ROBO2: variants seen among roughly 807,000 people sequenced by gnomAD.
ROBO2 encodes the protein roundabout guidance receptor 2, also known as roundabout homolog 2.
ROBO2 carries 53 observed loss-of-function variants against 160.8 expected under a neutral mutation model. That is an observed-to-expected ratio of 0.33 (90% confidence interval 0.26 to 0.41). The LOEUF (loss-of-function observed/expected upper bound fraction) is 0.41. Among genes scored for constraint, ROBO2 ranks in the 10% least tolerant of loss-of-function variants. The probability of loss-of-function intolerance (pLI) is 1.00; values close to 1 mark genes in which losing one functional copy is unlikely to be tolerated. For missense variants in ROBO2, 1,577 were observed against 1,722.4 expected (o/e 0.92, Z 1.49); for synonymous variants, 664 against 611.7 (o/e 1.09, Z -1.26).
At chr3:76,376,117 T>C (rs892978940) in intron 2 of ROBO2, among the ~76,000 whole-genome samples, 2 of 152,146 alleles carry the variant, frequency 1.3e-5, no homozygotes, top group African/African-American at 4.8e-5. Context: ...TGCTTTTCTA[T>C]CTTCCTAAAA....
chr3:76,635,550 T>G (rs1027301234), intron 2 of ROBO2, among the ~76,000 whole-genome samples: 1 of 152,184 alleles, frequency 6.6e-6, no homozygotes, highest in Non-Finnish European at 1.5e-5. Flanking sequence ...AAATGTTCAT[T>G]TTCTGTTTCT....
At chr3:76,989,922 T>A (rs557713225) in intron 2 of ROBO2, among the ~76,000 whole-genome samples, 1 of 152,280 alleles carries the variant, frequency 6.6e-6, no homozygotes, top group South Asian at 2.1e-4. Flanking sequence ...CTTAAAAGGT[T>A]GATTATTCAC....
intron 2 of ROBO2, among the ~76,000 whole-genome samples, chr3:76,574,234 T>C (rs2085144861): frequency 6.6e-6 from 1 of 152,068 alleles, no homozygotes; most frequent in Non-Finnish European, 1.5e-5. Context: ...TGAATGAGTA[T>C]AACAAAATCA....
intron 2 of ROBO2, among the ~76,000 whole-genome samples, chr3:77,411,202 C>G (rs1376111492): frequency 6.6e-6 from 1 of 152,098 alleles, no homozygotes; most frequent in Non-Finnish European, 1.5e-5. Flanking sequence ...TCACTGTCTG[C>G]CCAGGAACAA....
chr3:77,580,892 GT>G (rs1464936155), intron 16 of ROBO2, among the ~76,000 whole-genome samples: 6 of 152,072 alleles, frequency 3.9e-5, no homozygotes, highest in Non-Finnish European at 2.9e-5. Context: ...GAGTTGTATA[GT>G]TTGAGTTTAT....
intron 2 of ROBO2, among the ~76,000 whole-genome samples, chr3:76,497,640 G>A (rs1273287582): frequency 6.6e-6 from 1 of 152,230 alleles, no homozygotes; most frequent in Non-Finnish European, 1.5e-5. Flanking sequence ...ATGTTGCCAT[G>A]AAGGTGGTAG....
intron 2 of ROBO2, among the ~76,000 whole-genome samples, chr3:76,133,328 C>T (rs1445463511): frequency 6.6e-6 from 1 of 151,894 alleles, no homozygotes; most frequent in Non-Finnish European, 1.5e-5. Flanking sequence ...AAAAACCAAT[C>T]GAATTTACCC....
At chr3:76,651,944 G>A (rs1385944006) in intron 2 of ROBO2, among the ~76,000 whole-genome samples, 1 of 152,132 alleles carries the variant, frequency 6.6e-6, no homozygotes, top group Admixed American at 6.6e-5. Flanking sequence ...GCTAGGTCCA[G>A]CCTTTTCTGG....
chr3:77,580,230 C>T, intron 16 of ROBO2, 112 bp downstream of exon 17: 2 of 975,338 alleles, frequency 2.1e-6, no homozygotes, highest in East Asian at 2.5e-5. Flanking sequence ...TGATAGGGTA[C>T]ACATATCATA....
At chr3:77,018,713 G>C (rs2062435505) in intron 2 of ROBO2, among the ~76,000 whole-genome samples, 1 of 152,036 alleles carries the variant, frequency 6.6e-6, no homozygotes, top group Admixed American at 6.6e-5. Flanking sequence ...GTACTTTCAT[G>C]AAAGAAAAAA....
intron 2 of ROBO2, among the ~76,000 whole-genome samples, chr3:77,411,635 C>T (rs2076810378): frequency 1.3e-5 from 2 of 152,088 alleles, no homozygotes; most frequent in African/African-American, 4.8e-5. Flanking sequence ...TGAACTTCTC[C>T]ATTTTAAATA....
intron 2 of ROBO2, among the ~76,000 whole-genome samples, chr3:76,917,791 A>G (rs2076417633): frequency 6.6e-6 from 1 of 152,240 alleles, no homozygotes; most frequent in African/African-American, 2.4e-5. Context: ...TATTCTAAAA[A>G]AAAATGGTTT....
At chr3:77,364,952 C>G (rs1046701905) in intron 2 of ROBO2, among the ~76,000 whole-genome samples, 5 of 151,978 alleles carry the variant, frequency 3.3e-5, no homozygotes, top group African/African-American at 1.2e-4. Flanking sequence ...CGAGACCAGC[C>G]TGGCCAACAT....
At chr3:76,247,299 G>T (rs773242639) in intron 2 of ROBO2, among the ~76,000 whole-genome samples, 1 of 151,960 alleles carries the variant, frequency 6.6e-6, no homozygotes, top group Non-Finnish European at 1.5e-5. Flanking sequence ...AGTCTCCATG[G>T]TATCTCCCCA....
intron 2 of ROBO2, among the ~76,000 whole-genome samples, chr3:76,959,957 T>C (rs1250409695): frequency 2.0e-5 from 3 of 152,154 alleles, no homozygotes; most frequent in Non-Finnish European, 4.4e-5. Flanking sequence ...CATCTTTTTT[T>C]TTATTTTACT....
At chr3:76,180,009 C>T (rs549567244) in intron 2 of ROBO2, among the ~76,000 whole-genome samples, 95 of 152,234 alleles carry the variant, frequency 6.2e-4, no homozygotes, top group African/African-American at 1.9e-3. Flanking sequence ...CGTGCCATTG[C>T]TTCTGCTGCT....
At chr3:76,977,604 A>T (rs539575434) in intron 2 of ROBO2, among the ~76,000 whole-genome samples, 3 of 152,268 alleles carry the variant, frequency 2.0e-5, no homozygotes, top group Admixed American at 2.0e-4. Context: ...TTCACTGCAG[A>T]AGTCATGCAA....
At chr3:76,211,573 A>T (rs1703147116) in intron 2 of ROBO2, among the ~76,000 whole-genome samples, 1 of 152,108 alleles carries the variant, frequency 6.6e-6, no homozygotes, top group Admixed American at 6.5e-5. Flanking sequence ...ATTCCTTACA[A>T]GCAATGCTTT....
intron 5 of ROBO2, among the ~76,000 whole-genome samples, chr3:77,518,386 C>G (rs2090241957): frequency 6.6e-6 from 1 of 151,436 alleles, no homozygotes; most frequent in African/African-American, 2.4e-5. Flanking sequence ...GCAGACTTTC[C>G]TCAGGCAAAG....
Sources: allele counts gnomAD v4.1 joint callset (sites outside exome capture counted in the v4.1 genomes callset), GRCh38; gene constraint gnomAD v4.1.1; transcripts MANE v1.5; gene names NCBI Gene and HGNC (gene_info 2026-07-23, HGNC 2026-07-21).